CYP2E1: variants seen among roughly 807,000 people sequenced by gnomAD.
CYP2E1 encodes the protein cytochrome P450 family 2 subfamily E member 1.
Under a neutral mutation model 42.9 loss-of-function variants are expected in CYP2E1, and 31 were observed. The observed-to-expected ratio is 0.72, with a 90% CI of 0.54 to 0.98. The LOEUF is 0.98. Ranked by LOEUF, CYP2E1 falls within the 50% of genes least tolerant of loss-of-function variation. The pLI is 0.00. For missense variants in CYP2E1, 565 were observed against 633.2 expected (o/e 0.89, Z 1.16); for synonymous variants, 244 against 248.9 (o/e 0.98, Z 0.19).
chr10:133,535,414 C>G (rs1851384545), intron 6 of CYP2E1, among the ~76,000 whole-genome samples: 1 of 152,174 alleles, frequency 6.6e-6, no homozygotes, highest in African/African-American at 2.4e-5. Context: ...ATCCTCCTGC[C>G]TTGGCCTCCC....
rs762720959 is a variant in CYP2E1, at chr10:133,538,965, G to C, written c.*1G>C. The C allele has an allele frequency of 6.2e-7, 1 of 1,603,386 alleles. No homozygotes were observed. The highest frequency in any genetic ancestry group is 1.1e-5 in the South Asian group (1 of 89,726). ...ACTCTGTGTCATTCCCCGCTCATGA[G>C]TGTGTGGAGGACACCCTGAACCCCC... On this transcript the variant is annotated 3_prime_UTR_variant, in exon 9 of 9. Transcript: ENST00000252945.
Position 133,534,626 on chromosome 10 carries a change from G to A in CYP2E1, c.967+729G>A, listed in dbSNP as rs529354274. Among the ~76,000 whole-genome samples the A allele has an allele frequency of 2.0e-5, 3 of 152,328 alleles. No individual in the cohort carries two copies. The South Asian group carries it at 6.2e-4, about 32-fold the overall frequency. On this transcript the variant is annotated intron_variant, in intron 6 of 8. Transcript: ENST00000252945. ...GGGCCCAGAGCCCCTGCCTCTCGCT[G>A]GGCTGGAAACAGGGCTGGGCAGCCT...
chr10:133,538,381 G>A (rs1851431609), intron 8 of CYP2E1, among the ~76,000 whole-genome samples: 1 of 152,088 alleles, frequency 6.6e-6, no homozygotes, highest in Non-Finnish European at 1.5e-5. Flanking sequence ...ATTGTTGTGG[G>A]AAGATCATAC....
intron 6 of CYP2E1, among the ~76,000 whole-genome samples, chr10:133,536,625 AT>A (rs1851404401): frequency 1.2e-4 from 1 of 8,590 alleles, no homozygotes; most frequent in Non-Finnish European, 2.0e-4. Flanking sequence ...GGGTGGGTGG[AT>A]GGATGGGTGG....
rs1233332302 is a variant in CYP2E1, at chr10:133,537,095, G to A, written c.1000G>A (p.Gly334Arg). 3 of 1,613,808 alleles carry A rather than the reference G, an allele frequency of 1.9e-6. No individual in the cohort carries two copies. Among genetic ancestry groups the A allele is most frequent in the Admixed American group, 1.7e-5 (1 of 59,988 alleles). ...KLHEEIDRVI[G>R]PSRIPAIKDR... ...CCATGAAGAAATTGACAGGGTGATT[G>A]GGCCAAGCCGAATCCCTGCCATCAA... Residue 334 changes from glycine to arginine, a missense_variant, in exon 7 of 9, where the codon GGG (glycine) becomes AGG (arginine). Gly to Arg is a moderately radical substitution (Grantham distance 125). Transcript: ENST00000252945.
chr10:133,538,747 T>A (rs1851437679), intron 8 of CYP2E1, 33 bp from the exon 9 acceptor site: 4 of 1,589,238 alleles, frequency 2.5e-6, no homozygotes, highest in Non-Finnish European at 3.4e-6. Flanking sequence ...TGAAACTCCC[T>A]CAGTGTCTCA....
intron 8 of CYP2E1, 71 bp downstream of exon 8, chr10:133,537,963 C>A: frequency 6.7e-7 from 1 of 1,503,288 alleles, no homozygotes. Context: ...TCCACATGTG[C>A]TCTGCCCTCG....
In CYP2E1 at chr10:133,539,035, A is replaced by C; in HGVS notation, c.*71A>C. 37 of 1,258,574 alleles carry C rather than the reference A, an allele frequency of 2.9e-5. No homozygotes were observed. Among genetic ancestry groups the C allele is most frequent in the Non-Finnish European group, 3.4e-5 (31 of 914,676 alleles). 78.0% of individuals were successfully genotyped at this position (1,258,574 alleles called of 1,614,324 possible). ...AAATTGTTTGAGGTCAGGATTTCTCAAACTGATTCCTTTCTTTGCATATGA... is the reference window on the plus strand; with the variant it reads ...AAATTGTTTGAGGTCAGGATTTCTCCAACTGATTCCTTTCTTTGCATATGA... On this transcript the variant is annotated 3_prime_UTR_variant, in exon 9 of 9. Coordinates refer to ENST00000252945, the MANE Select transcript of CYP2E1 (RefSeq NM_000773.4).
chr10:133,535,210 T>A (rs924909178), intron 6 of CYP2E1, among the ~76,000 whole-genome samples: 1 of 152,056 alleles, frequency 6.6e-6, no homozygotes, highest in African/African-American at 2.4e-5. Context: ...GGCACGCGCC[T>A]ATAGTCACAG....
At chr10:133,534,443 G>A (rs1458904114) in intron 6 of CYP2E1, among the ~76,000 whole-genome samples, 1 of 152,166 alleles carries the variant, frequency 6.6e-6, no homozygotes, top group Non-Finnish European at 1.5e-5. Flanking sequence ...AGGTGTGAAA[G>A]GTCTGGGTCT....
chr10:133,537,040 T>G (rs1461672032), intron 6 of CYP2E1, 23 bp from the exon 7 acceptor site: 3 of 1,604,712 alleles, frequency 1.9e-6, no homozygotes, highest in Admixed American at 1.7e-5. Flanking sequence ...TCCCTGAAAT[T>G]TGTCCCATTC....
rs569201531 is a variant in CYP2E1 at position 133,537,631 on chromosome 10, C to T, written c.1156-120C>T. ...ATCCTTCACTAAGCAACTCCTTCAACTGGAAATATACTATCCTATATAGCA... is the reference window on the plus strand; with the variant it reads ...ATCCTTCACTAAGCAACTCCTTCAATTGGAAATATACTATCCTATATAGCA... On this transcript the variant is annotated intron_variant, in intron 7 of 8. Transcript: ENST00000252945. 37 of 883,092 alleles carry T rather than the reference C, an allele frequency of 4.2e-5. No homozygotes were observed. In the Middle Eastern group the frequency reaches 9.9e-4, roughly 24 times the overall value. The allele number at this position is 883,092 out of a possible 1,614,324, so 54.7% of individuals were successfully genotyped here.
rs567473242 is a variant in CYP2E1, at chr10:133,537,235, A to C, written c.1140A>C (p.Gly380=). The C allele has an allele frequency of 1.7e-5, 28 of 1,613,854 alleles. No individual in the cohort carries two copies. Among genetic ancestry groups the C allele is most frequent in the Non-Finnish European group, 1.6e-5 (19 of 1,179,884 alleles). ...CAACCCGAGACACCATTTTCAGAGG[A>C]TACCTCATCCCCAAGGTTAAGCAAT... The part of the protein sequence containing the change: ...HEATRDTIFR[G]YLIPKGTVVV... Residue 380 remains glycine (G), a synonymous_variant, in exon 7 of 9, where the codon GGA becomes GGC. Transcript: ENST00000252945.
intron 1 of CYP2E1, among the ~76,000 whole-genome samples, chr10:133,527,885 C>T (rs951290568): frequency 2.0e-5 from 3 of 152,258 alleles, no homozygotes; most frequent in Non-Finnish European, 2.9e-5. Context: ...ACTCGCTGGG[C>T]GTCCGCCTGT....
intron 3 of CYP2E1, 120 bp downstream of exon 3, chr10:133,531,854 C>T (rs28371742): frequency 5.7e-6 from 6 of 1,056,142 alleles, no homozygotes; most frequent in South Asian, 3.3e-5. Flanking sequence ...GAGAGGGTCT[C>T]GTGAGTCCCC....
At position 133,532,274 on chromosome 10, in the gene CYP2E1, C is replaced by T. The variant is rs907445349; in HGVS notation, c.638C>T (p.Pro213Leu). 8.1e-6 allele frequency: 13 copies of T among 1,612,098 alleles called. No individual in the cohort carries two copies. Among genetic ancestry groups the T allele is most frequent in the Non-Finnish European group, 1.1e-5 (13 of 1,178,394 alleles). Residue 213 changes from proline (P) to leucine (L), a missense_variant, in exon 4 of 9, where the codon CCC (proline) becomes CTC (leucine). Coordinates refer to ENST00000252945, the MANE Select transcript of CYP2E1 (RefSeq NM_000773.4). ...FNENFHLLST[P>L]WLQLYNNFPS... ...GAGAACTTCCACCTACTCAGCACTCCCTGGCTCCAGGTGAAGCCACTTTCC... is the reference window on the plus strand; with the variant it reads ...GAGAACTTCCACCTACTCAGCACTCTCTGGCTCCAGGTGAAGCCACTTTCC...
chr10:133,537,103 C>T lies in CYP2E1; in HGVS notation c.1008C>T (p.Ser336=). The change falls in exon 7 of 9, where the codon AGC becomes AGT. Residue 336 remains serine (S), a synonymous_variant. Coordinates refer to ENST00000252945, the MANE Select transcript of CYP2E1 (RefSeq NM_000773.4). ...HEEIDRVIGP[S]RIPAIKDRQE... is the part of the protein sequence containing the mutation. The stretch of plus-strand genomic sequence containing the variant: ...AAATTGACAGGGTGATTGGGCCAAG[C>T]CGAATCCCTGCCATCAAGGATAGGC... The T allele has an allele frequency of 5.6e-6, 9 of 1,613,930 alleles. No homozygotes were observed. The highest frequency in any genetic ancestry group is 7.6e-6 in the Non-Finnish European group (9 of 1,179,886).
chr10:133,529,209 T>C (rs1327355387), intron 2 of CYP2E1, among the ~76,000 whole-genome samples: 1 of 152,244 alleles, frequency 6.6e-6, no homozygotes, highest in Non-Finnish European at 1.5e-5. Flanking sequence ...CCACGCTTCC[T>C]GTCTCCAGAG....
At chr10:133,535,292 C>T (rs1465078368) in intron 6 of CYP2E1, among the ~76,000 whole-genome samples, 1 of 152,066 alleles carries the variant, frequency 6.6e-6, no homozygotes, top group Non-Finnish European at 1.5e-5. Context: ...CGAGATTGCA[C>T]CCCACTGCAC....
Sources: gnomAD v4.1 joint callset for allele counts (sites outside exome capture counted in the v4.1 genomes callset) on GRCh38, gnomAD v4.1.1 for gene constraint, MANE v1.5 for transcripts, NCBI Gene and HGNC (gene_info 2026-07-23, HGNC 2026-07-21) for gene names.